Variants in ME2 observed in about 807,000 individuals in gnomAD.
ME2 encodes NAD-dependent malic enzyme, mitochondrial.
ME2 carries 60 observed loss-of-function variants against 73.7 expected under a neutral mutation model. The ratio of observed to expected loss-of-function variants is 0.81; its 90% CI spans 0.66 to 1.01. ME2 has a LOEUF of 1.01. ME2 is among the 50% of genes least tolerant of loss of function. ME2 has a pLI of 0.00. For synonymous variants in ME2, 199 were observed against 236.9 expected, an observed-to-expected ratio of 0.84 and a Z score of 1.47; for missense variants, 594 against 705.5, an observed-to-expected ratio of 0.84 and a Z score of 1.79.
At chr18:50,939,269 A>ATCTC in intron 13 of ME2, 25 of 229,798 alleles carry the variant, frequency 1.1e-4, no homozygotes, top group Admixed American at 2.2e-4. Flanking sequence ...GGAGTGTTAG[A>ATCTC]GGTGGGCTGG....
At chr18:50,880,456 C>G (rs552107587) in intron 1 of ME2, among the ~76,000 whole-genome samples, 1 of 152,200 alleles carries the variant, frequency 6.6e-6, no homozygotes, top group Non-Finnish European at 1.5e-5. Context: ...TTTACAAATA[C>G]TCTGTAAATT....
intron 5 of ME2, 88 bp downstream of exon 5, chr18:50,916,331 G>T: frequency 1.9e-6 from 2 of 1,055,266 alleles, no homozygotes; most frequent in South Asian, 1.4e-5. Flanking sequence ...TTTCATTGTT[G>T]CTCTCATTTA....
intron 1 of ME2, among the ~76,000 whole-genome samples, chr18:50,894,543 G>A (rs1280633534): frequency 6.8e-6 from 1 of 147,190 alleles, no homozygotes; most frequent in Non-Finnish European, 1.5e-5. Flanking sequence ...ACTCCAGCCT[G>A]GGTGACAGAA....
rs1918255055 is a variant in ME2, at chr18:50,953,067, C to T, written c.*5883C>T. 1 of 150,096 alleles carries T rather than the reference C, an allele frequency of 6.7e-6. No homozygotes were observed. Among genetic ancestry groups the T allele is most frequent in the South Asian group, 2.1e-4 (1 of 4,674 alleles). 9.3% of individuals were successfully genotyped at this position (150,096 alleles called of 1,614,324 possible). A position where few individuals can be genotyped will look rare whatever the true frequency, so the allele number is the denominator to read the frequency against. On this transcript the variant is annotated 3_prime_UTR_variant, in exon 16 of 16. Transcript: ENST00000321341. ...CATCTAATACCTTCATGAATTGTTACTTCAGATGAGAATTCTCACTTATTC... is the reference window on the plus strand; with the variant it reads ...CATCTAATACCTTCATGAATTGTTATTTCAGATGAGAATTCTCACTTATTC...
intron 1 of ME2, among the ~76,000 whole-genome samples, chr18:50,885,890 A>C (rs945805919): frequency 6.6e-6 from 1 of 152,210 alleles, no homozygotes; most frequent in Non-Finnish European, 1.5e-5. Flanking sequence ...AATTTGAGTA[A>C]CTTAAAATTT....
At chr18:50,886,756 T>C (rs1460123120) in intron 1 of ME2, among the ~76,000 whole-genome samples, 1 of 152,086 alleles carries the variant, frequency 6.6e-6, no homozygotes, top group Non-Finnish European at 1.5e-5. Flanking sequence ...ATCTCAGCAC[T>C]TTGGGAGGCC....
chr18:50,905,275 G>A (rs377436052), intron 2 of ME2, among the ~76,000 whole-genome samples: 27 of 152,238 alleles, frequency 1.8e-4, no homozygotes, highest in Non-Finnish European at 2.8e-4. Context: ...GTGAGCCACC[G>A]CACCTGGCAG....
chr18:50,920,648 G>T lies in ME2; in HGVS notation c.845-13G>T. 6.3e-7 allele frequency: 1 copy of T among 1,586,290 alleles called. No homozygotes were observed. The highest frequency in any genetic ancestry group is 8.5e-7 in the Non-Finnish European group (1 of 1,172,388). On this transcript the variant is annotated splice_polypyrimidine_tract_variant and intron_variant, in intron 8 of 15. Coordinates refer to ENST00000321341, the MANE Select transcript of ME2 (RefSeq NM_002396.5). ...CCATTTTTTATTTGTAAAAATCTTT[G>T]TTTTTCTTACAGGGACAGCTGCAGT...
intron 7 of ME2, among the ~76,000 whole-genome samples, chr18:50,919,580 A>C (rs1378369992): frequency 6.6e-6 from 1 of 152,040 alleles, no homozygotes; most frequent in Non-Finnish European, 1.5e-5. Flanking sequence ...TCATCCTAAT[A>C]GTTCATAGTT....
intron 15 of ME2, among the ~76,000 whole-genome samples, chr18:50,941,940 A>ATG (rs1308901567): frequency 6.6e-6 from 1 of 151,876 alleles, no homozygotes; most frequent in Non-Finnish European, 1.5e-5. Context: ...ATATATATAT[A>ATG]TTAAGTGTAT....
chr18:50,939,610 T>G lies in ME2; in HGVS notation c.1458T>G (p.Ile486Met), dbSNP rs768508206. The change falls in exon 14 of 16, where the codon ATT becomes ATG. Residue 486 changes from isoleucine (I) to methionine (M), a missense_variant. Coordinates refer to ENST00000321341, the MANE Select transcript of ME2 (RefSeq NM_002396.5). ...TTATTCTCTGTAACACCCGGCATATTAGTGACAGTGTTTTCCTAGAAGCTG... is the reference window on the plus strand; with the variant it reads ...TTATTCTCTGTAACACCCGGCATATGAGTGACAGTGTTTTCCTAGAAGCTG... ...LAVILCNTRH[I>M]SDSVFLEAAK... is the part of the protein sequence containing the mutation. 1 of 1,612,472 alleles carries G rather than the reference T, an allele frequency of 6.2e-7. No homozygotes were observed. Among genetic ancestry groups the G allele is most frequent in the African/African-American group, 1.3e-5 (1 of 75,010 alleles).
chr18:50,927,085 A>G (rs1419348917), intron 12 of ME2, among the ~76,000 whole-genome samples: 2 of 152,176 alleles, frequency 1.3e-5, no homozygotes, highest in Non-Finnish European at 2.9e-5. Flanking sequence ...TGACACTACC[A>G]CGGGATTATA....
At chr18:50,904,789 T>A (rs1461372381) in intron 2 of ME2, among the ~76,000 whole-genome samples, 2 of 152,154 alleles carry the variant, frequency 1.3e-5, no homozygotes, top group Admixed American at 1.3e-4. Flanking sequence ...TTTTTCTCTT[T>A]GTCTAGGTGT....
intron 13 of ME2, 74 bp downstream of exon 13, chr18:50,932,434 T>C: frequency 8.2e-7 from 1 of 1,222,280 alleles, no homozygotes. Context: ...TTCTTTGGAA[T>C]GGGAGACTGA....
At chr18:50,893,120 A>C (rs1420592012) in intron 1 of ME2, among the ~76,000 whole-genome samples, 1 of 87,738 alleles carries the variant, frequency 1.1e-5, no homozygotes, top group Non-Finnish European at 2.4e-5. Context: ...GTAAGACTCT[A>C]TCTCAAAAAA....
At position 50,920,710 on chromosome 18, in the gene ME2, T is replaced by C. The variant is rs771958910; in HGVS notation, c.894T>C (p.Ile298=). Residue 298 remains isoleucine, a synonymous_variant, in exon 9 of 16, where the codon ATT becomes ATC. Transcript: ENST00000321341. The stretch of plus-strand genomic sequence containing the variant: ...GTCTTCTTGCAGCACAAAAAGTTAT[T>C]AGTAAACCAATCTCCGAACACAAAA... The part of the protein sequence containing the change: ...LAGLLAAQKV[I]SKPISEHKIL... The C allele has an allele frequency of 6.8e-6, 11 of 1,612,100 alleles. No homozygotes were observed. The highest frequency in any genetic ancestry group is 2.0e-4 in the Middle Eastern group (1 of 4,936).
At position 50,941,279 on chromosome 18, in the gene ME2, A is replaced by T. The variant is rs1251405305; in HGVS notation, c.1587+893A>T. ...TCCATCTCAAAAAAAAAAAAAAAAA[A>T]AGAAAGAAAGAAATAACAGCGTAAT... On this transcript the variant is annotated intron_variant, in intron 15 of 15. Coordinates refer to ENST00000321341, the MANE Select transcript of ME2 (RefSeq NM_002396.5). Among the ~76,000 whole-genome samples, 13 of 145,900 alleles carry T rather than the reference A, an allele frequency of 8.9e-5. 1 individual carries two copies. The highest frequency in any genetic ancestry group is 8.2e-4 in the Admixed American group (12 of 14,712).
In ME2 at chr18:50,917,521, A is replaced by G. The variant is rs773931138; in HGVS notation, c.630+13A>G. 2 of 1,538,868 alleles carry G rather than the reference A, an allele frequency of 1.3e-6. No homozygotes were observed. The highest frequency in any genetic ancestry group is 3.5e-5 in the Admixed American group (2 of 57,902). On this transcript the variant is annotated intron_variant, in intron 6 of 15. Coordinates refer to ENST00000321341, the MANE Select transcript of ME2 (RefSeq NM_002396.5). ...AACTGATAATATCGTGAGTAACATCATTTTCCCCCTTTATCTTCCTCCTGT... is the reference window on the plus strand; with the variant it reads ...AACTGATAATATCGTGAGTAACATCGTTTTCCCCCTTTATCTTCCTCCTGT...
At chr18:50,910,627 G>A (rs1229959427) in intron 3 of ME2, among the ~76,000 whole-genome samples, 3 of 152,144 alleles carry the variant, frequency 2.0e-5, no homozygotes, top group Admixed American at 1.3e-4. Context: ...GGCAAAGGCA[G>A]GTGTTACATA....
Sources: allele counts gnomAD v4.1 joint callset (sites outside exome capture counted in the v4.1 genomes callset), GRCh38; gene constraint gnomAD v4.1.1; transcripts MANE v1.5; gene names NCBI Gene and HGNC (gene_info 2026-07-23, HGNC 2026-07-21).